The following ACAD10 variants were observed in gnomAD, a reference collection of about 807,000 sequenced individuals.
ACAD10 encodes the protein acyl-CoA dehydrogenase family member 10.
A neutral mutation model predicts 116.8 loss-of-function variants in ACAD10; 112 were observed. The observed-to-expected ratio is 0.96, with a 90% confidence interval of 0.82 to 1.12. The LOEUF is 1.12. Ranked by LOEUF, ACAD10 falls within the 50% of genes most tolerant of loss-of-function variation. ACAD10 has a pLI of 0.00. For missense variants in ACAD10, 1,259 were observed against 1,350.2 expected, an observed-to-expected ratio of 0.93 and a Z score of 1.06; for synonymous variants, 486 against 510.6, an observed-to-expected ratio of 0.95 and a Z score of 0.65.
At chr12:111,712,698 G>A in intron 6 of ACAD10, 41 bp downstream of exon 6, 1 of 1,601,252 alleles carries the variant, frequency 6.2e-7, no homozygotes. Context: ...TCTCTCCAAG[G>A]CGAAGGTTTT....
At chr12:111,692,960 C>T (rs960262481) in intron 2 of ACAD10, 64 bp downstream of exon 2, 4 of 1,561,386 alleles carry the variant, frequency 2.6e-6, no homozygotes, top group Admixed American at 1.7e-5. Flanking sequence ...GGAGGGTGAT[C>T]GGGAAGGCAG....
intron 8 of ACAD10, among the ~76,000 whole-genome samples, chr12:111,724,722 G>T (rs1593037200): frequency 1.3e-5 from 2 of 151,648 alleles, no homozygotes; most frequent in African/African-American, 2.4e-5. Context: ...CAGGGAGGTT[G>T]CAGTGAGCTG....
At chr12:111,711,252 G>A (rs991622781) in intron 5 of ACAD10, among the ~76,000 whole-genome samples, 1 of 152,172 alleles carries the variant, frequency 6.6e-6, no homozygotes, top group African/African-American at 2.4e-5. Flanking sequence ...CCAGGCTGGA[G>A]TGCAGTGGTG....
intron 13 of ACAD10, 134 bp from the exon 14 acceptor site, chr12:111,746,010 A>G (rs1385504928): frequency 2.7e-5 from 30 of 1,108,456 alleles, no homozygotes; most frequent in Non-Finnish European, 3.7e-5. Context: ...CCAGCTCCTC[A>G]TATCATTTTT....
At chr12:111,698,558 A>G (rs1888257047) in intron 2 of ACAD10, among the ~76,000 whole-genome samples, 1 of 151,008 alleles carries the variant, frequency 6.6e-6, no homozygotes. Flanking sequence ...GCTCACCACA[A>G]CTTCTGCCTC....
Position 111,702,235 on chromosome 12 carries a change from C to G in ACAD10, c.261C>G (p.Pro87=), listed in dbSNP as rs373265451. The change falls in exon 3 of 21, where the codon CCC becomes CCG. Residue 87 remains proline, a synonymous_variant. Transcript: ENST00000313698. ...KALMEGGENG[P]WMRFMRAEIT... Reference sequence around the variant, plus strand: ...TGATGGAAGGTGGTGAAAATGGGCCCTGGATGAGATTTATGAGAGCAGAAA... The same window carrying G: ...TGATGGAAGGTGGTGAAAATGGGCCGTGGATGAGATTTATGAGAGCAGAAA... 3 of 1,613,966 alleles carry G rather than the reference C, an allele frequency of 1.9e-6. No individual in the cohort carries two copies. The African/African-American group carries it at 4.0e-5, about 22-fold the overall frequency.
chr12:111,694,303 G>A (rs565258838), intron 2 of ACAD10, among the ~76,000 whole-genome samples: 1 of 152,072 alleles, frequency 6.6e-6, no homozygotes, highest in Non-Finnish European at 1.5e-5. Context: ...TCTCTGTCAT[G>A]TTTACCTCAG....
In ACAD10 at chr12:111,753,915, G is replaced by C; in HGVS notation, c.2961G>C (p.Lys987Asn). 1.2e-6 allele frequency: 2 copies of C among 1,602,098 alleles called. No individual in the cohort carries two copies. Among genetic ancestry groups the C allele is most frequent in the South Asian group, 2.2e-5 (2 of 90,436 alleles). ...ACCTCATGGACCTGGCAGGAAACAA[G>C]GTAGGGGCAGGGGCACGAGGGGGCC... ...AAHLMDLAGN[K>N]AAALDIAMIK... Residue 987 changes from lysine (K) to asparagine (N), a missense_variant and splice_region_variant, in exon 19 of 21, where the codon AAG (lysine) becomes AAC (asparagine). By Grantham distance (94) the Lys-to-Asn change is moderately conservative. Transcript: ENST00000313698.
In ACAD10 at chr12:111,747,292, C is replaced by G; in HGVS notation, c.2395-3C>G. 1 of 1,614,174 alleles carries G rather than the reference C, an allele frequency of 6.2e-7. No homozygotes were observed. Among genetic ancestry groups the G allele is most frequent in the South Asian group, 1.1e-5 (1 of 91,084 alleles). Reference sequence around the variant, plus strand: ...CTCTGACTGGAATATGCTCCCCACTCAGGTTGCCTCTTCAGATGCCACCAA... The same window carrying G: ...CTCTGACTGGAATATGCTCCCCACTGAGGTTGCCTCTTCAGATGCCACCAA... On this transcript the variant is annotated splice_region_variant and splice_polypyrimidine_tract_variant and intron_variant, in intron 15 of 20. Transcript: ENST00000313698.
Position 111,757,042 on chromosome 12 carries a change from G to A in ACAD10, c.*569G>A, listed in dbSNP as rs1045035060. 10 of 360,476 alleles carry A rather than the reference G, an allele frequency of 2.8e-5. No individual in the cohort carries two copies. The highest frequency in any genetic ancestry group is 6.1e-5 in the South Asian group (3 of 49,072). 22.3% of individuals were successfully genotyped at this position (360,476 alleles called of 1,614,324 possible). Reference sequence around the variant, plus strand: ...CACAGCACAGAACAATCATTTAAATGTTATTTTGGAAAGGGGTTTTGGGGA... The same window carrying A: ...CACAGCACAGAACAATCATTTAAATATTATTTTGGAAAGGGGTTTTGGGGA... On this transcript the variant is annotated 3_prime_UTR_variant, in exon 21 of 21. Coordinates refer to ENST00000313698, the MANE Select transcript of ACAD10 (RefSeq NM_025247.6).
At chr12:111,750,431 G>GT in intron 18 of ACAD10, among the ~76,000 whole-genome samples, 1 of 152,070 alleles carries the variant, frequency 6.6e-6, no homozygotes, top group Non-Finnish European at 1.5e-5. Flanking sequence ...AAAAGAAAAA[G>GT]TTTTAAGTGC....
At chr12:111,694,391 T>C (rs543868901) in intron 2 of ACAD10, among the ~76,000 whole-genome samples, 1 of 152,258 alleles carries the variant, frequency 6.6e-6, no homozygotes, top group Admixed American at 6.5e-5. Flanking sequence ...CTGAATCTGT[T>C]CTTCTACAAA....
chr12:111,753,626 C>A, intron 18 of ACAD10, 146 bp from the exon 19 acceptor site: 1 of 1,083,552 alleles, frequency 9.2e-7, no homozygotes, highest in Non-Finnish European at 1.4e-6. Flanking sequence ...GGCACCTTGG[C>A]TGAGAAGATG....
chr12:111,722,847 C>T (rs1889057967), intron 8 of ACAD10, among the ~76,000 whole-genome samples: 1 of 152,200 alleles, frequency 6.6e-6, no homozygotes, highest in Non-Finnish European at 1.5e-5. Flanking sequence ...TCCTGCCTTT[C>T]TATTCCACAA....
At chr12:111,734,124 G>T in intron 11 of ACAD10, 56 bp downstream of exon 11, 2 of 1,610,118 alleles carry the variant, frequency 1.2e-6, no homozygotes, top group South Asian at 1.1e-5. Context: ...CAAGCATTTG[G>T]GAGCAAACTC....
intron 7 of ACAD10, among the ~76,000 whole-genome samples, chr12:111,717,570 A>AC (rs1271226100): frequency 1.4e-5 from 2 of 141,326 alleles, no homozygotes; most frequent in Non-Finnish European, 3.1e-5. Context: ...GTATTAGCTG[A>AC]TTTTTTTTTT....
Position 111,753,781 on chromosome 12 carries a change from C to A in ACAD10, c.2827C>A (p.Arg943Ser), listed in dbSNP as rs770585998. The A allele has an allele frequency of 6.2e-7, 1 of 1,613,956 alleles. No homozygotes were observed. Among genetic ancestry groups the A allele is most frequent in the Non-Finnish European group, 8.5e-7 (1 of 1,180,024 alleles). ...TCTCCTGTGTCGACAGGTGAAGTCC[C>A]GCTTGGCTTTTGGGAAGCCCCTGGT... The part of the protein sequence containing the change: ...LALMKARVKS[R>S]LAFGKPLVEQ... The change falls in exon 19 of 21, where the codon CGC becomes AGC. Residue 943 changes from arginine (R) to serine (S), a missense_variant. Physicochemically the swap from Arg to Ser is moderately radical, Grantham distance 110. Transcript: ENST00000313698.
chr12:111,697,060 G>T (rs1166698931), intron 2 of ACAD10, among the ~76,000 whole-genome samples: 1 of 147,950 alleles, frequency 6.8e-6, no homozygotes, highest in Non-Finnish European at 1.5e-5. Context: ...CAACCTGGGC[G>T]ATACAGCGAG....
rs146625056 is a variant in ACAD10 at position 111,742,675 on chromosome 12, C to T, written c.1715-1968C>T. On this transcript the variant is annotated intron_variant, in intron 12 of 20. Coordinates refer to ENST00000313698, the MANE Select transcript of ACAD10 (RefSeq NM_025247.6). ...AGAAGTTCGAGACCAGTTTGGGCAACGTAGTAAGGCCCCATCTCTTATTTA... is the reference window on the plus strand; with the variant it reads ...AGAAGTTCGAGACCAGTTTGGGCAATGTAGTAAGGCCCCATCTCTTATTTA... 4.0e-3 allele frequency among the ~76,000 whole-genome samples: 616 copies of T among 152,110 alleles called. 7 individuals are homozygous for T. The highest frequency in any genetic ancestry group is 0.014 in the African/African-American group (571 of 41,466).
Sources: allele counts gnomAD v4.1 joint callset (sites outside exome capture counted in the v4.1 genomes callset), GRCh38; gene constraint gnomAD v4.1.1; transcripts MANE v1.5; gene names NCBI Gene and HGNC (gene_info 2026-07-23, HGNC 2026-07-21).